Variants in KCNT2 observed in about 807,000 individuals in gnomAD.
The protein encoded by KCNT2 is potassium sodium-activated channel subfamily T member 2, also known as potassium channel subfamily T member 2.
In KCNT2, 67 loss-of-function variants were observed where a neutral mutation model predicts 153.8. That is an observed-to-expected ratio of 0.44 (90% CI 0.36 to 0.53). The LOEUF is 0.53. Ranked by LOEUF, KCNT2 falls within the 20% of genes least tolerant of loss-of-function variation. KCNT2 has a pLI of 0.00. For synonymous variants in KCNT2, 500 were observed against 458.8 expected (o/e 1.09, Z -1.15); for missense variants, 975 against 1,354.8 (o/e 0.72, Z 4.40).
intron 12 of KCNT2, among the ~76,000 whole-genome samples, chr1:196,414,741 C>G (rs1672617414): frequency 6.6e-6 from 1 of 151,830 alleles, no homozygotes; most frequent in South Asian, 2.1e-4. Context: ...AGAATTTCCC[C>G]CATGTAATTC....
Position 196,225,964 on chromosome 1 carries a change from T to C in KCNT2, c.*2260A>G, listed in dbSNP as rs1478202703. 2 of 152,078 alleles carry C rather than the reference T, an allele frequency of 1.3e-5. No homozygotes were observed. The highest frequency in any genetic ancestry group is 4.8e-5 in the African/African-American group (2 of 41,448). The allele number at this position is 152,078 out of a possible 1,614,324, so 9.4% of individuals were successfully genotyped here. ...AAGGCAACATTTCATTAAAAGTCTT[T>C]TATAAGCATGTTTTTATTCTTTAAA... is the stretch of plus-strand genomic sequence containing the variant. On this transcript the variant is annotated 3_prime_UTR_variant, in exon 28 of 28. Coordinates refer to ENST00000294725, the MANE Select transcript of KCNT2 (RefSeq NM_198503.5).
intron 13 of KCNT2, among the ~76,000 whole-genome samples, chr1:196,387,236 C>A (rs552183707): frequency 4.7e-4 from 72 of 151,938 alleles, no homozygotes; most frequent in African/African-American, 1.7e-3. Context: ...TTTTGCCTTG[C>A]CCCCATTTCC....
chr1:196,353,027 A>C (rs1666867607), intron 14 of KCNT2, among the ~76,000 whole-genome samples: 1 of 152,084 alleles, frequency 6.6e-6, no homozygotes, highest in Non-Finnish European at 1.5e-5. Context: ...TGAGTCTCTT[A>C]ATCCTGAGTT....
At chr1:196,478,063 C>T (rs545946586) in intron 5 of KCNT2, among the ~76,000 whole-genome samples, 2 of 152,260 alleles carry the variant, frequency 1.3e-5, no homozygotes, top group South Asian at 2.1e-4. Context: ...TTTCTTGGTA[C>T]GATTGTTTCT....
At chr1:196,429,491 AG>A in intron 9 of KCNT2, 85 bp downstream of exon 9, 1 of 824,938 alleles carries the variant, frequency 1.2e-6, no homozygotes, top group Non-Finnish European at 1.8e-6. Context: ...TAGATAAATA[AG>A]CCACTTTCCA....
At chr1:196,383,035 A>G (rs751656348) in intron 13 of KCNT2, among the ~76,000 whole-genome samples, 2 of 152,278 alleles carry the variant, frequency 1.3e-5, no homozygotes, top group Admixed American at 6.5e-5. Context: ...AAGTCAGAAC[A>G]CTGACATGTG....
intron 22 of KCNT2, among the ~76,000 whole-genome samples, chr1:196,297,405 A>T (rs1660773564): frequency 6.6e-6 from 1 of 152,034 alleles, no homozygotes; most frequent in Non-Finnish European, 1.5e-5. Flanking sequence ...GCTGTGTGGC[A>T]CTCTTCCATG....
intron 14 of KCNT2, among the ~76,000 whole-genome samples, chr1:196,364,744 A>G (rs1394837438): frequency 1.3e-5 from 2 of 152,102 alleles, no homozygotes; most frequent in African/African-American, 2.4e-5. Flanking sequence ...TTTGAACACA[A>G]CAGATAAACT....
At chr1:196,293,761 C>T (rs904805333) in intron 22 of KCNT2, among the ~76,000 whole-genome samples, 2 of 151,292 alleles carry the variant, frequency 1.3e-5, no homozygotes, top group Non-Finnish European at 2.9e-5. Context: ...CAACATTGCT[C>T]TGGGCAATAA....
chr1:196,354,116 A>T (rs1439658102), intron 14 of KCNT2, among the ~76,000 whole-genome samples: 1 of 151,722 alleles, frequency 6.6e-6, no homozygotes, highest in African/African-American at 2.4e-5. Context: ...TATTTTTTTT[A>T]ATTTTCATAT....
At chr1:196,537,491 C>G (rs1029881674) in intron 1 of KCNT2, among the ~76,000 whole-genome samples, 2 of 152,182 alleles carry the variant, frequency 1.3e-5, no homozygotes, top group African/African-American at 4.8e-5. Context: ...AGTGCCAGCA[C>G]TCGTGGTATG....
intron 26 of KCNT2, among the ~76,000 whole-genome samples, chr1:196,238,643 G>C (rs143140156): frequency 6.6e-6 from 1 of 151,750 alleles, no homozygotes; most frequent in Admixed American, 6.6e-5. Context: ...CTTGTTCTCT[G>C]CCATGCTGCT....
chr1:196,540,205 A>AGAGATTT (rs937215723), intron 1 of KCNT2, among the ~76,000 whole-genome samples: 1 of 152,186 alleles, frequency 6.6e-6, no homozygotes, highest in African/African-American at 2.4e-5. Flanking sequence ...TAATCTCCAA[A>AGAGATTT]TATGAACACT....
In KCNT2 at chr1:196,282,359, G is replaced by A. The variant is rs769709314; in HGVS notation, c.2698-3C>T. ...ATCATATAATCCTTCACAAATGACT[G>A]CAATATAAACAAACAAACAATATAT... On this transcript the variant is annotated splice_polypyrimidine_tract_variant and splice_region_variant and intron_variant, in intron 23 of 27. Coordinates refer to ENST00000294725, the MANE Select transcript of KCNT2 (RefSeq NM_198503.5). The A allele has an allele frequency of 6.8e-7, 1 of 1,476,438 alleles. No homozygotes were observed. Among genetic ancestry groups the A allele is most frequent in the Non-Finnish European group, 9.5e-7 (1 of 1,056,898 alleles). 91.5% of individuals were successfully genotyped at this position (1,476,438 alleles called of 1,614,324 possible). A position where few individuals can be genotyped will look rare whatever the true frequency, so the allele number is the denominator to read the frequency against.
chr1:196,373,331 A>C, intron 13 of KCNT2, 83 bp from the exon 14 acceptor site: 1 of 697,942 alleles, frequency 1.4e-6, no homozygotes. Context: ...AATGAATAAA[A>C]TGGTAAAAGT....
intron 23 of KCNT2, among the ~76,000 whole-genome samples, chr1:196,284,248 A>AAAAAAAAAAAAAATATATATATATAT: frequency 1.0e-4 from 1 of 10,050 alleles, no homozygotes; most frequent in African/African-American, 1.4e-4. Flanking sequence ...AAAAAAAAAA[A>AAAAAAAAAAAAAATATATATATATAT]ATATATATAT....
At chr1:196,355,207 T>G (rs571576168) in intron 14 of KCNT2, among the ~76,000 whole-genome samples, 1 of 150,988 alleles carries the variant, frequency 6.6e-6, no homozygotes, top group East Asian at 1.9e-4. Flanking sequence ...GAACTCCAGA[T>G]AGAAGTAATA....
chr1:196,506,006 A>G (rs1681107962), intron 1 of KCNT2, among the ~76,000 whole-genome samples: 1 of 152,122 alleles, frequency 6.6e-6, no homozygotes, highest in Admixed American at 6.6e-5. Context: ...GGTTTTCTAG[A>G]TATACAATCA....
chr1:196,475,396 T>A (rs192637402), intron 5 of KCNT2, among the ~76,000 whole-genome samples: 12 of 152,112 alleles, frequency 7.9e-5, no homozygotes, highest in South Asian at 2.1e-4. Context: ...GGCAGGCAGA[T>A]CACTTGAGCC....
Sources: gnomAD v4.1 joint callset for allele counts (sites outside exome capture counted in the v4.1 genomes callset) on GRCh38, gnomAD v4.1.1 for gene constraint, MANE v1.5 for transcripts, NCBI Gene and HGNC (gene_info 2026-07-23, HGNC 2026-07-21) for gene names.